The following PEX5L variants were observed in gnomAD, a reference collection of about 807,000 sequenced individuals.
The protein encoded by PEX5L is PEX5-related protein.
In PEX5L, 30 loss-of-function variants were observed where a neutral mutation model predicts 84.0. The observed-to-expected ratio is 0.36, with a 90% CI of 0.27 to 0.48. The LOEUF is 0.48. PEX5L is among the 20% of genes least tolerant of loss of function. The pLI, the probability that PEX5L is intolerant of heterozygous loss-of-function variation, is 0.99. For missense variants in PEX5L, 533 were observed against 754.6 expected, an observed-to-expected ratio of 0.71 and a Z score of 3.44; for synonymous variants, 270 against 283.1, an observed-to-expected ratio of 0.95 and a Z score of 0.46.
intron 8 of PEX5L, among the ~76,000 whole-genome samples, chr3:179,857,341 T>C (rs78879879): frequency 0.028 from 4,202 of 152,260 alleles, 183 homozygotes; most frequent in African/African-American, 0.097. Flanking sequence ...AAGTTGCTGG[T>C]AGGCCAATTT....
rs111326197 is a variant in PEX5L, at chr3:179,916,597, T to A, written c.94-18351A>T. On this transcript the variant is annotated intron_variant, in intron 2 of 14. Coordinates refer to ENST00000467460, the MANE Select transcript of PEX5L (RefSeq NM_016559.3). ...GGCTGCACTAAATTTATACAAAAAA[T>A]TTTTCTTTCCTCAATAATTAAATTA... 5.0e-4 allele frequency among the ~76,000 whole-genome samples: 76 copies of A among 152,220 alleles called. 1 individual carries two copies. Among genetic ancestry groups the A allele is most frequent in the African/African-American group, 1.7e-3 (70 of 41,544 alleles).
chr3:180,030,307 C>G (rs762942162), intron 1 of PEX5L, among the ~76,000 whole-genome samples: 25 of 152,178 alleles, frequency 1.6e-4, no homozygotes, highest in Non-Finnish European at 3.2e-4. Flanking sequence ...TCACCCATAT[C>G]TCTCCCTTCA....
At chr3:180,009,090 C>T (rs1789190073) in intron 1 of PEX5L, among the ~76,000 whole-genome samples, 2 of 152,152 alleles carry the variant, frequency 1.3e-5, no homozygotes, top group Admixed American at 1.3e-4. Flanking sequence ...TTTAAAAAAA[C>T]TTATTTTTCC....
chr3:179,927,220 A>G (rs1201380501), intron 2 of PEX5L, among the ~76,000 whole-genome samples: 1 of 152,176 alleles, frequency 6.6e-6, no homozygotes, highest in Non-Finnish European at 1.5e-5. Context: ...AAATGGTGAA[A>G]CGTGTGATAA....
chr3:179,972,741 A>AT (rs1018068369), intron 1 of PEX5L, among the ~76,000 whole-genome samples: 5 of 151,834 alleles, frequency 3.3e-5, no homozygotes, highest in Non-Finnish European at 7.4e-5. Flanking sequence ...CACAATTCTT[A>AT]TTTTTTCCCC....
chr3:179,830,126 T>C (rs1268564978), intron 8 of PEX5L, among the ~76,000 whole-genome samples: 2 of 152,006 alleles, frequency 1.3e-5, no homozygotes, highest in Non-Finnish European at 2.9e-5. Flanking sequence ...CCCATATAGA[T>C]ACTACCTTTT....
At chr3:179,922,454 T>TA (rs1438180185) in intron 2 of PEX5L, among the ~76,000 whole-genome samples, 1 of 149,412 alleles carries the variant, frequency 6.7e-6, no homozygotes, top group Non-Finnish European at 1.5e-5. Flanking sequence ...TTCTTTTCTT[T>TA]TTTTTTTTTT....
rs1767898926 is a variant in PEX5L, at chr3:179,918,108, C to T, written c.94-19862G>A. ...GTAAGTGTTAGAGTGGGGACAAAGT[C>T]CAGGGTCTGGCCTCAGGGTCTGTGC... On this transcript the variant is annotated intron_variant, in intron 2 of 14. Coordinates refer to ENST00000467460, the MANE Select transcript of PEX5L (RefSeq NM_016559.3). 2.6e-5 allele frequency among the ~76,000 whole-genome samples: 4 copies of T among 152,306 alleles called. No individual in the cohort carries two copies. In the South Asian group the frequency reaches 8.3e-4, roughly 32 times the overall value.
intron 1 of PEX5L, among the ~76,000 whole-genome samples, chr3:179,974,859 GTTTAT>G (rs1332867774): frequency 1.3e-5 from 2 of 152,090 alleles, no homozygotes; most frequent in Admixed American, 6.5e-5. Context: ...AGAAAGGTGA[GTTTAT>G]TTTAATTAAA....
chr3:179,999,209 T>C (rs531141884), intron 1 of PEX5L, among the ~76,000 whole-genome samples: 2 of 152,298 alleles, frequency 1.3e-5, no homozygotes, highest in African/African-American at 2.4e-5. Context: ...GGTATGTGGA[T>C]GGACCTCTCT....
intron 2 of PEX5L, among the ~76,000 whole-genome samples, chr3:179,961,242 C>A (rs1194480430): frequency 6.7e-6 from 1 of 149,056 alleles, no homozygotes; most frequent in African/African-American, 2.5e-5. Flanking sequence ...TCCTAGATCA[C>A]AAGACAGGAA....
chr3:179,957,241 C>T (rs1483080504), intron 2 of PEX5L, among the ~76,000 whole-genome samples: 1 of 152,164 alleles, frequency 6.6e-6, no homozygotes, highest in African/African-American at 2.4e-5. Flanking sequence ...GATACTTTCT[C>T]TCTTGTCCAA....
intron 8 of PEX5L, among the ~76,000 whole-genome samples, chr3:179,840,183 G>GTGTTTTTT (rs542803963): frequency 2.5e-5 from 2 of 78,670 alleles, no homozygotes; most frequent in African/African-American, 1.0e-4. Flanking sequence ...GTGTGTGTGT[G>GTGTTTTTT]TTTTTTTTTT....
At chr3:179,981,402 A>C (rs573542679) in intron 1 of PEX5L, among the ~76,000 whole-genome samples, 62 of 152,292 alleles carry the variant, frequency 4.1e-4, no homozygotes, top group African/African-American at 1.4e-3. Flanking sequence ...AGAGAAGTTG[A>C]GAGCCATTGA....
intron 2 of PEX5L, among the ~76,000 whole-genome samples, chr3:179,955,958 T>C (rs1780436874): frequency 6.6e-6 from 1 of 152,160 alleles, no homozygotes; most frequent in African/African-American, 2.4e-5. Context: ...AAATTGCTCT[T>C]AAACACAAGA....
At chr3:179,927,951 T>C (rs1771926395) in intron 2 of PEX5L, among the ~76,000 whole-genome samples, 1 of 152,212 alleles carries the variant, frequency 6.6e-6, no homozygotes, top group African/African-American at 2.4e-5. Flanking sequence ...TAAAATATTA[T>C]TAATGAAGTA....
At chr3:179,884,982 T>C (rs1755333486) in intron 4 of PEX5L, among the ~76,000 whole-genome samples, 1 of 150,152 alleles carries the variant, frequency 6.7e-6, no homozygotes, top group Non-Finnish European at 1.5e-5. Context: ...TTTTTTATTT[T>C]GTATTGATTT....
chr3:179,907,510 C>T (rs1578296937), intron 2 of PEX5L, among the ~76,000 whole-genome samples: 2 of 151,978 alleles, frequency 1.3e-5, no homozygotes, highest in East Asian at 1.9e-4. Context: ...GGTGGAGTCT[C>T]GCTATGTTGC....
chr3:180,025,293 T>C (rs916539222), intron 1 of PEX5L, among the ~76,000 whole-genome samples: 1 of 152,178 alleles, frequency 6.6e-6, no homozygotes, highest in Non-Finnish European at 1.5e-5. Flanking sequence ...GTAAGGACTC[T>C]TCTGAGTATT....
Sources: gnomAD v4.1 joint callset for allele counts (sites outside exome capture counted in the v4.1 genomes callset) on GRCh38, gnomAD v4.1.1 for gene constraint, MANE v1.5 for transcripts, NCBI Gene and HGNC (gene_info 2026-07-23, HGNC 2026-07-21) for gene names.